Variants in GRM8 observed in about 807,000 individuals in gnomAD.
GRM8 encodes glutamate metabotropic receptor 8, also known as metabotropic glutamate receptor 8.
Under a neutral mutation model 87.2 loss-of-function variants are expected in GRM8, and 47 were observed. The observed-to-expected ratio is 0.54, with a 90% CI of 0.43 to 0.69. The LOEUF (loss-of-function observed/expected upper bound fraction) is 0.69. GRM8 is among the 30% of genes least tolerant of loss of function. The pLI is 0.00. For synonymous variants in GRM8, 396 were observed against 404.5 expected (o/e 0.98, Z 0.25); for missense variants, 1,019 against 1,139.2 (o/e 0.89, Z 1.52).
chr7:126,613,163 T>A (rs774921505), intron 7 of GRM8, among the ~76,000 whole-genome samples: 3 of 152,210 alleles, frequency 2.0e-5, no homozygotes, highest in African/African-American at 7.2e-5. Flanking sequence ...AAGAGCATCG[T>A]TGAGTAGCCA....
chr7:127,001,762 C>A (rs949716110), intron 3 of GRM8, among the ~76,000 whole-genome samples: 6 of 151,484 alleles, frequency 4.0e-5, no homozygotes, highest in African/African-American at 1.5e-4. Context: ...TTCATAGTAG[C>A]CACAAAACTG....
At chr7:127,146,423 C>T (rs1211449481) in intron 2 of GRM8, among the ~76,000 whole-genome samples, 6 of 151,918 alleles carry the variant, frequency 3.9e-5, no homozygotes, top group Non-Finnish European at 7.4e-5. Flanking sequence ...CTGCTCTCCA[C>T]GGCAAAAGTG....
intron 3 of GRM8, among the ~76,000 whole-genome samples, chr7:126,947,575 T>TGTGC (rs1563343631): frequency 2.0e-5 from 3 of 151,864 alleles, no homozygotes; most frequent in Admixed American, 6.6e-5. Flanking sequence ...TATGTATGTG[T>TGTGC]ATATATATAC....
At chr7:127,145,824 T>G (rs2087565308) in intron 2 of GRM8, among the ~76,000 whole-genome samples, 1 of 152,094 alleles carries the variant, frequency 6.6e-6, no homozygotes, top group African/African-American at 2.4e-5. Context: ...GTCTTTTGTT[T>G]TCTATATTGC....
At chr7:126,475,398 CAA>C (rs1382195042) in intron 9 of GRM8, among the ~76,000 whole-genome samples, 1 of 151,206 alleles carries the variant, frequency 6.6e-6, no homozygotes. Context: ...AATACATAGA[CAA>C]AAGTTTAAGG....
intron 3 of GRM8, among the ~76,000 whole-genome samples, chr7:127,092,641 A>G (rs1824259775): frequency 6.6e-6 from 1 of 152,228 alleles, no homozygotes; most frequent in Admixed American, 6.5e-5. Context: ...CAGGAAGCGG[A>G]TATTGCAGTG....
At chr7:127,173,271 T>C (rs562033345) in intron 2 of GRM8, among the ~76,000 whole-genome samples, 1 of 152,348 alleles carries the variant, frequency 6.6e-6, no homozygotes, top group Admixed American at 6.5e-5. Flanking sequence ...GGAGTTTTAA[T>C]AGGGTAGCTA....
chr7:127,077,568 C>G (rs1351662854), intron 3 of GRM8, among the ~76,000 whole-genome samples: 2 of 152,084 alleles, frequency 1.3e-5, no homozygotes, highest in Non-Finnish European at 2.9e-5. Context: ...GACTCCTAAC[C>G]AAAACAAAAT....
chr7:127,127,808 TAATC>T (rs1434488234), intron 2 of GRM8, among the ~76,000 whole-genome samples: 1 of 152,110 alleles, frequency 6.6e-6, no homozygotes, highest in Non-Finnish European at 1.5e-5. Flanking sequence ...TTTTTTTAAA[TAATC>T]AATGCCTGGT....
intron 2 of GRM8, among the ~76,000 whole-genome samples, chr7:127,109,517 C>G (rs1466954914): frequency 3.3e-5 from 5 of 152,134 alleles, no homozygotes; most frequent in Non-Finnish European, 7.4e-5. Flanking sequence ...ATTTAATGCT[C>G]TCCTCTATCT....
intron 3 of GRM8, among the ~76,000 whole-genome samples, chr7:126,920,511 G>A (rs562313256): frequency 6.6e-6 from 1 of 152,154 alleles, no homozygotes; most frequent in Non-Finnish European, 1.5e-5. Flanking sequence ...TGGGGCTGGG[G>A]ATGAGGCCAA....
intron 7 of GRM8, among the ~76,000 whole-genome samples, chr7:126,674,857 A>C (rs1042006233): frequency 6.6e-6 from 1 of 152,204 alleles, no homozygotes; most frequent in East Asian, 1.9e-4. Context: ...TTCTGGTCAC[A>C]TTTCTCGTTA....
At chr7:126,498,814 T>C (rs535001965) in intron 9 of GRM8, among the ~76,000 whole-genome samples, 1 of 152,118 alleles carries the variant, frequency 6.6e-6, no homozygotes, top group East Asian at 1.9e-4. Context: ...ACTTTCATTA[T>C]GTGAAATTTG....
intron 9 of GRM8, among the ~76,000 whole-genome samples, chr7:126,526,753 T>A (rs1335257121): frequency 6.6e-6 from 1 of 152,156 alleles, no homozygotes; most frequent in Non-Finnish European, 1.5e-5. Flanking sequence ...AAACAAAAAC[T>A]TATATAAGGC....
intron 7 of GRM8, among the ~76,000 whole-genome samples, chr7:126,619,463 T>G (rs1447263433): frequency 6.6e-6 from 1 of 151,628 alleles, no homozygotes; most frequent in African/African-American, 2.4e-5. Context: ...TGTATACACA[T>G]GTAACAAACC....
At chr7:126,456,485 T>G (rs1377316048) in intron 9 of GRM8, among the ~76,000 whole-genome samples, 3 of 132,850 alleles carry the variant, frequency 2.3e-5, no homozygotes, top group Non-Finnish European at 3.1e-5. Context: ...CCCTTGAGAC[T>G]TTGCTGAATC....
At chr7:126,609,275 C>A in intron 8 of GRM8, 87 bp downstream of exon 8, 2 of 927,944 alleles carry the variant, frequency 2.2e-6, no homozygotes, top group South Asian at 2.5e-5. Flanking sequence ...TGGGGAAAAC[C>A]TATTCTAGCA....
rs1423211639 is a variant in GRM8, at chr7:126,904,012, T to G, written c.978A>C (p.Glu326Asp). 18 of 1,569,684 alleles carry G rather than the reference T, an allele frequency of 1.1e-5. No homozygotes were observed. The highest frequency in any genetic ancestry group is 1.8e-6 in the Non-Finnish European group (2 of 1,140,852). Residue 326 changes from glutamate (E) to aspartate (D), a missense_variant, in exon 5 of 11, where the codon GAA (glutamate) becomes GAC (aspartate). Physicochemically the swap from Glu to Asp is conservative, Grantham distance 45. Coordinates refer to ENST00000339582, the MANE Select transcript of GRM8 (RefSeq NM_000845.3). The stretch of plus-strand genomic sequence containing the variant: ...GTTTGGGCAAAATTGTCACAGCCCC[T>G]TCTGCAATCTCCTCTTGCTGATAGA... ...APVYQQEEIA[E>D]GAVTILPKRA...
intron 7 of GRM8, among the ~76,000 whole-genome samples, chr7:126,612,845 T>C (rs968282475): frequency 1.3e-5 from 2 of 152,226 alleles, no homozygotes; most frequent in Non-Finnish European, 2.9e-5. Context: ...ATGAACTTCA[T>C]GTATATTTTC....
Sources: allele counts gnomAD v4.1 joint callset (sites outside exome capture counted in the v4.1 genomes callset), GRCh38; gene constraint gnomAD v4.1.1; transcripts MANE v1.5; gene names NCBI Gene and HGNC (gene_info 2026-07-23, HGNC 2026-07-21).